PRKCQ: variants seen among roughly 807,000 people sequenced by gnomAD.
PRKCQ encodes protein kinase C theta, also known as protein kinase C theta type.
Under a neutral mutation model 91.2 loss-of-function variants are expected in PRKCQ, and 41 were observed. The ratio of observed to expected loss-of-function variants is 0.45; its 90% CI spans 0.35 to 0.58. The LOEUF (loss-of-function observed/expected upper bound fraction) is 0.58, where lower values mean the gene tolerates loss of function less well. PRKCQ is among the 20% of genes least tolerant of loss of function. The pLI, the probability that PRKCQ is intolerant of heterozygous loss-of-function variation, is 0.00. For missense variants in PRKCQ, 673 were observed against 896.5 expected (o/e 0.75, Z 3.18); for synonymous variants, 307 against 316.9 (o/e 0.97, Z 0.33).
At chr10:6,412,956 A>ATT in the PRKCQ span, among the ~76,000 whole-genome samples, 1 of 151,688 alleles carries the variant, frequency 6.6e-6, no homozygotes, top group Non-Finnish European at 1.5e-5. Context: ...TTTATTTTTT[A>ATT]TTTTTATTTT....
chr10:6,425,355 G>A (rs1450917532), downstream of PRKCQ, among the ~76,000 whole-genome samples: 1 of 151,864 alleles, frequency 6.6e-6, no homozygotes, highest in Non-Finnish European at 1.5e-5. Context: ...CTCCTGAGTA[G>A]CTGGGATTAC....
At chr10:6,570,633 C>T (rs1841008632) in intron 1 of PRKCQ, among the ~76,000 whole-genome samples, 1 of 151,324 alleles carries the variant, frequency 6.6e-6, no homozygotes, top group African/African-American at 2.4e-5. Context: ...CGGCTCACTG[C>T]AACCTCTGTC....
chr10:6,411,469 T>C, the PRKCQ span, among the ~76,000 whole-genome samples: 6 of 152,202 alleles, frequency 3.9e-5, 1 homozygote, highest in African/African-American at 1.4e-4. Context: ...CAAATTCCTA[T>C]GGTGGTAAGT....
intron 10 of PRKCQ, among the ~76,000 whole-genome samples, chr10:6,483,899 T>C (rs1836759387): frequency 6.6e-6 from 1 of 152,222 alleles, no homozygotes; most frequent in Non-Finnish European, 1.5e-5. Flanking sequence ...TAAAAGACCA[T>C]ATATGCAAAA....
At chr10:6,406,368 G>T in the PRKCQ span, among the ~76,000 whole-genome samples, 3 of 150,220 alleles carry the variant, frequency 2.0e-5, no homozygotes, top group Admixed American at 2.0e-4. Context: ...AATGGGGCCC[G>T]TGTTCTTTTG....
intron 4 of PRKCQ, among the ~76,000 whole-genome samples, chr10:6,501,716 C>T (rs939111608): frequency 6.6e-6 from 1 of 151,884 alleles, no homozygotes; most frequent in East Asian, 1.9e-4. Flanking sequence ...CCCAGATACT[C>T]AGGAGGCTGA....
At chr10:6,439,604 A>T (rs1401622667) in intron 16 of PRKCQ, among the ~76,000 whole-genome samples, 1 of 152,170 alleles carries the variant, frequency 6.6e-6, no homozygotes, top group Non-Finnish European at 1.5e-5. Flanking sequence ...CCCTCTCAAC[A>T]TGAAGACAAG....
At chr10:6,419,089 C>G in the PRKCQ span, among the ~76,000 whole-genome samples, 1 of 151,920 alleles carries the variant, frequency 6.6e-6, no homozygotes, top group Non-Finnish European at 1.5e-5. Flanking sequence ...CAATCATCTA[C>G]CTCTGTATTA....
In PRKCQ at chr10:6,430,375, T is replaced by C. The variant is rs948523574; in HGVS notation, c.1965+435A>G. On this transcript the variant is annotated intron_variant, in intron 17 of 17. Coordinates refer to ENST00000263125, the MANE Select transcript of PRKCQ (RefSeq NM_006257.5). This position sits in a 1 kb window ranked among gnomAD's most constrained non-coding sequence, Gnocchi z 4.7. ...AGGAAATGTCGTTATATGAGCACTTTACAGATACTTTAATAAACATCATGG... is the reference window on the plus strand; with the variant it reads ...AGGAAATGTCGTTATATGAGCACTTCACAGATACTTTAATAAACATCATGG... Among the ~76,000 whole-genome samples the C allele has an allele frequency of 6.6e-6, 1 of 152,194 alleles. No individual in the cohort carries two copies. The highest frequency in any genetic ancestry group is 1.5e-5 in the Non-Finnish European group (1 of 68,042).
At chr10:6,425,102 C>A (rs934612575), downstream of PRKCQ, among the ~76,000 whole-genome samples, 1 of 152,090 alleles carries the variant, frequency 6.6e-6, no homozygotes, top group Non-Finnish European at 1.5e-5. Flanking sequence ...TGGTGGATGT[C>A]GCTGAAACCC....
At chr10:6,410,976 CA>C in the PRKCQ span, among the ~76,000 whole-genome samples, 22,790 of 87,610 alleles carry the variant, frequency 0.26, 1,217 homozygotes, top group African/African-American at 0.28. Context: ...GATTCCGTTT[CA>C]AAAAAAAAAA....
chr10:6,536,110 AGGATGAGGAGAATGGAATGTGT>A (rs1839573858), intron 1 of PRKCQ, among the ~76,000 whole-genome samples: 1 of 152,162 alleles, frequency 6.6e-6, no homozygotes, highest in Admixed American at 6.5e-5. Context: ...TGGAATGAGG[AGGATGAGGAGAATGGAATGTGT>A]GAAACATGAT....
the PRKCQ span, among the ~76,000 whole-genome samples, chr10:6,414,426 G>A: frequency 2.0e-5 from 3 of 152,092 alleles, no homozygotes; most frequent in South Asian, 2.1e-4. Flanking sequence ...CATTAATAAC[G>A]AATTACCGGG....
At chr10:6,485,984 A>C (rs1397743297) in intron 9 of PRKCQ, 51 bp downstream of exon 9, 1 of 1,481,878 alleles carries the variant, frequency 6.7e-7, no homozygotes, top group Admixed American at 1.7e-5. Flanking sequence ...GTGCATGGAC[A>C]TCCTTGCTGA....
chr10:6,543,090 T>C (rs1174915341), intron 1 of PRKCQ, among the ~76,000 whole-genome samples: 2 of 152,162 alleles, frequency 1.3e-5, no homozygotes, highest in Non-Finnish European at 2.9e-5. Context: ...GGCCCTGCCC[T>C]CCCTGGAGAG....
chr10:6,430,834 A>G lies in PRKCQ; in HGVS notation c.1941T>C (p.Ile647=), dbSNP rs762772355. 1.5e-5 allele frequency: 25 copies of G among 1,614,106 alleles called. No homozygotes were observed. The highest frequency in any genetic ancestry group is 8.5e-6 in the Non-Finnish European group (10 of 1,180,002). Residue 647 remains isoleucine, a synonymous_variant, in exon 17 of 18, where the codon ATT becomes ATC. Coordinates refer to ENST00000263125, the MANE Select transcript of PRKCQ (RefSeq NM_006257.5). The surrounding 1 kb of genome is among the most constrained non-coding windows in gnomAD (Gnocchi z 4.7). ...INWEELERKE[I]DPPFRPKVKS... ...CCACTTTCGGCCGGAACGGTGGGTC[A>G]ATCTCCTTCCGTTCAAGTTCCTCCC...
Position 6,498,420 on chromosome 10 carries a change from C to G in PRKCQ, c.518G>C (p.Cys173Ser), listed in dbSNP as rs775482893. ...TATFFPQPTF[C>S]SVCHEFVWGL... ...CCAGACAAACTCGTGGCAGACAGAGCAAAATGTGGGCTGTGGGAAGAAGGT... is the reference window on the plus strand; with the variant it reads ...CCAGACAAACTCGTGGCAGACAGAGGAAAATGTGGGCTGTGGGAAGAAGGT... Residue 173 changes from cysteine (C) to serine (S), a missense_variant, in exon 5 of 18, where the codon TGC becomes TCC. By Grantham distance (112) the Cys-to-Ser change is moderately radical. Coordinates refer to ENST00000263125, the MANE Select transcript of PRKCQ (RefSeq NM_006257.5). The G allele has an allele frequency of 1.2e-6, 2 of 1,614,116 alleles. No homozygotes were observed. Among genetic ancestry groups the G allele is most frequent in the Non-Finnish European group, 1.7e-6 (2 of 1,180,014 alleles).
intron 4 of PRKCQ, among the ~76,000 whole-genome samples, chr10:6,500,787 G>C (rs1010597196): frequency 6.6e-6 from 1 of 152,044 alleles, no homozygotes; most frequent in Non-Finnish European, 1.5e-5. Context: ...CAAATTACAA[G>C]TTTCCTGAGC....
intron 11 of PRKCQ, among the ~76,000 whole-genome samples, chr10:6,479,931 G>A (rs960028438): frequency 7.2e-5 from 11 of 151,858 alleles, no homozygotes; most frequent in African/African-American, 7.3e-5. Flanking sequence ...CAGCCTGGGC[G>A]TCAGAGTGAG....
Sources: allele counts gnomAD v4.1 joint callset (sites outside exome capture counted in the v4.1 genomes callset), GRCh38; gene constraint gnomAD v4.1.1; non-coding constraint Gnocchi (gnomAD v3.1); transcripts MANE v1.5; gene names NCBI Gene and HGNC (gene_info 2026-07-23, HGNC 2026-07-21).